CTNND2: variants seen among roughly 807,000 people sequenced by gnomAD.
The protein encoded by CTNND2 is catenin delta-2.
A neutral mutation model predicts 144.4 loss-of-function variants in CTNND2; 22 were observed. The observed-to-expected ratio is 0.15, with a 90% confidence interval of 0.11 to 0.22. The LOEUF (loss-of-function observed/expected upper bound fraction) is 0.22, where lower values mean the gene tolerates loss of function less well. Among genes scored for constraint, CTNND2 ranks in the 10% least tolerant of loss-of-function variants. The probability of loss-of-function intolerance (pLI) is 1.00; values close to 1 mark genes in which losing one functional copy is unlikely to be tolerated. For missense variants in CTNND2, 1,353 were observed against 1,618.8 expected (o/e 0.84, Z 2.82); for synonymous variants, 751 against 695.6 (o/e 1.08, Z -1.25).
At chr5:11,126,405 G>T (rs1323926491) in intron 12 of CTNND2, among the ~76,000 whole-genome samples, 6 of 152,146 alleles carry the variant, frequency 3.9e-5, no homozygotes, top group Non-Finnish European at 8.8e-5. Context: ...GTAATGTTTG[G>T]TTCAATTTTG....
intron 1 of CTNND2, among the ~76,000 whole-genome samples, chr5:11,871,648 A>G (rs1331365576): frequency 6.6e-6 from 1 of 152,206 alleles, no homozygotes; most frequent in African/African-American, 2.4e-5. Flanking sequence ...TACCAAAGAA[A>G]GACTTTCTGG....
intron 1 of CTNND2, among the ~76,000 whole-genome samples, chr5:11,767,911 T>C (rs559185025): frequency 2.7e-5 from 2 of 73,098 alleles, no homozygotes; most frequent in East Asian, 9.8e-4. Flanking sequence ...GATATAAATA[T>C]TGTGTATATC....
At chr5:11,670,531 G>T (rs1296821930) in intron 2 of CTNND2, among the ~76,000 whole-genome samples, 1 of 152,042 alleles carries the variant, frequency 6.6e-6, no homozygotes, top group African/African-American at 2.4e-5. Context: ...TTTGATCTTT[G>T]TGGTTTAAAG....
intron 10 of CTNND2, among the ~76,000 whole-genome samples, chr5:11,233,719 T>C (rs1741302708): frequency 3.6e-5 from 1 of 27,580 alleles, no homozygotes; most frequent in Non-Finnish European, 8.1e-5. Context: ...TACGTGTCTG[T>C]GTGTGTGTGT....
chr5:11,707,009 C>T lies in CTNND2; in HGVS notation c.174+25127G>A, dbSNP rs376033736. Among the ~76,000 whole-genome samples the T allele has an allele frequency of 2.6e-5, 4 of 151,644 alleles. No homozygotes were observed. The South Asian group carries it at 8.4e-4, about 32-fold the overall frequency. ...GCTGAGGCAGGAGAATGGTGTGAACCCAGGAGGCGGAGCTTGCAGTGAGCC... is the reference window on the plus strand; with the variant it reads ...GCTGAGGCAGGAGAATGGTGTGAACTCAGGAGGCGGAGCTTGCAGTGAGCC... On this transcript the variant is annotated intron_variant, in intron 2 of 21. Transcript: ENST00000304623.
intron 9 of CTNND2, among the ~76,000 whole-genome samples, chr5:11,243,744 T>C (rs1391832941): frequency 6.6e-6 from 1 of 152,224 alleles, no homozygotes; most frequent in Non-Finnish European, 1.5e-5. Context: ...TTCATGACTA[T>C]GTTCAACAGT....
chr5:11,112,976 A>C (rs1381444910), intron 13 of CTNND2, among the ~76,000 whole-genome samples: 2 of 152,130 alleles, frequency 1.3e-5, no homozygotes, highest in African/African-American at 4.8e-5. Context: ...CCCCGTCTCT[A>C]CTAAAAATTC....
intron 11 of CTNND2, among the ~76,000 whole-genome samples, chr5:11,169,602 A>T (rs534974851): frequency 3.1e-4 from 47 of 152,152 alleles, no homozygotes; most frequent in African/African-American, 1.0e-3. Context: ...GCCATTCCAA[A>T]CTCTCTGGGT....
At chr5:11,671,150 T>C (rs1179294502) in intron 2 of CTNND2, among the ~76,000 whole-genome samples, 1 of 152,226 alleles carries the variant, frequency 6.6e-6, no homozygotes, top group Non-Finnish European at 1.5e-5. Flanking sequence ...GATCCGCTGT[T>C]AGTCTGATGG....
chr5:11,015,217 AC>A (rs1396307982), intron 18 of CTNND2, among the ~76,000 whole-genome samples: 1 of 152,230 alleles, frequency 6.6e-6, no homozygotes, highest in Non-Finnish European at 1.5e-5. Context: ...CTGATTAAAA[AC>A]AATTCATAAA....
intron 9 of CTNND2, among the ~76,000 whole-genome samples, chr5:11,277,219 A>C (rs1746629527): frequency 6.6e-6 from 1 of 152,156 alleles, no homozygotes; most frequent in Non-Finnish European, 1.5e-5. Context: ...ACAACTCAAT[A>C]GAAGTTTTGG....
rs115001202 is a variant in CTNND2 at position 11,591,284 on chromosome 5, A to T, written c.175-26228T>A. ...TTTTCCTCACTCACAATTCTGAAGA[A>T]ATCATTCAGTTACCTCTGACACTGA... On this transcript the variant is annotated intron_variant, in intron 2 of 21. Coordinates refer to ENST00000304623, the MANE Select transcript of CTNND2 (RefSeq NM_001332.4). 7.5e-3 allele frequency among the ~76,000 whole-genome samples: 1,137 copies of T among 152,304 alleles called. 10 individuals are homozygous for T. Among genetic ancestry groups the T allele is most frequent in the East Asian group, 0.021 (109 of 5,170 alleles).
intron 12 of CTNND2, among the ~76,000 whole-genome samples, chr5:11,149,406 T>A (rs940228803): frequency 4.6e-5 from 7 of 152,154 alleles, no homozygotes; most frequent in Non-Finnish European, 7.3e-5. Flanking sequence ...ACAGGACTAT[T>A]ATGGAAAATT....
At chr5:11,124,360 C>T (rs1754446838) in intron 12 of CTNND2, among the ~76,000 whole-genome samples, 1 of 152,222 alleles carries the variant, frequency 6.6e-6, no homozygotes, top group South Asian at 2.1e-4. Flanking sequence ...AACATCCTTA[C>T]ATCCTCGATG....
intron 9 of CTNND2, among the ~76,000 whole-genome samples, chr5:11,253,606 T>A (rs1580717518): frequency 6.6e-6 from 1 of 152,182 alleles, no homozygotes; most frequent in Admixed American, 6.5e-5. Flanking sequence ...ATTAAACCTC[T>A]TTTTCTTTAT....
intron 9 of CTNND2, among the ~76,000 whole-genome samples, chr5:11,254,671 C>T (rs554612091): frequency 1.6e-3 from 242 of 152,244 alleles, no homozygotes; most frequent in Middle Eastern, 6.8e-3. Context: ...AAGTGGAAGA[C>T]GGTCTAGAAA....
chr5:11,319,616 G>A (rs902415074), intron 9 of CTNND2, among the ~76,000 whole-genome samples: 8 of 152,136 alleles, frequency 5.3e-5, no homozygotes, highest in African/African-American at 1.9e-4. Flanking sequence ...TGCCTCTTCT[G>A]TTCAAGCGAT....
At chr5:11,733,053 T>A (rs541919139) in intron 1 of CTNND2, among the ~76,000 whole-genome samples, 1 of 152,132 alleles carries the variant, frequency 6.6e-6, no homozygotes, top group Non-Finnish European at 1.5e-5. Flanking sequence ...TCTTCCCCCA[T>A]AACTCGCCCT....
At chr5:11,560,728 G>A (rs78688251) in intron 3 of CTNND2, among the ~76,000 whole-genome samples, 532 of 152,306 alleles carry the variant, frequency 3.5e-3, no homozygotes, top group African/African-American at 0.012. Context: ...GAGCCCTGAG[G>A]TGGGTCACTA....
Sources: gnomAD v4.1 joint callset for allele counts (sites outside exome capture counted in the v4.1 genomes callset) on GRCh38, gnomAD v4.1.1 for gene constraint, MANE v1.5 for transcripts, NCBI Gene and HGNC (gene_info 2026-07-23, HGNC 2026-07-21) for gene names.